Variants in STAG1 observed in about 807,000 individuals in gnomAD.
The protein encoded by STAG1 is cohesin subunit SA-1.
STAG1 carries 26 observed loss-of-function variants against 170.9 expected under a neutral mutation model. That is an observed-to-expected ratio of 0.15 (90% CI 0.11 to 0.21). The LOEUF (loss-of-function observed/expected upper bound fraction) is 0.21, where lower values mean the gene tolerates loss of function less well. Ranked by LOEUF, STAG1 falls within the 10% of genes least tolerant of loss-of-function variation. The pLI is 1.00. For missense variants in STAG1, 964 were observed against 1,509.5 expected (o/e 0.64, Z 5.99); for synonymous variants, 514 against 497.7 (o/e 1.03, Z -0.44).
chr3:136,365,043 T>A (rs1288543383), intron 25 of STAG1, among the ~76,000 whole-genome samples: 1 of 152,208 alleles, frequency 6.6e-6, no homozygotes, highest in African/African-American at 2.4e-5. Flanking sequence ...CATAGCCATA[T>A]ATCAGAAGAG....
At chr3:136,649,975 G>A (rs936130851) in intron 1 of STAG1, among the ~76,000 whole-genome samples, 1 of 152,066 alleles carries the variant, frequency 6.6e-6, no homozygotes, top group African/African-American at 2.4e-5. Context: ...CACCGTGTCA[G>A]CCAAGATGGT....
rs1157491574 is a variant in STAG1, at chr3:136,600,232, C to T, written c.297+4077G>A. On this transcript the variant is annotated intron_variant, in intron 4 of 33. Coordinates refer to ENST00000383202, the MANE Select transcript of STAG1 (RefSeq NM_005862.3). ...CACAAACTGGACATCTCAAGGGTAA[C>T]TTGAGATACACGATTACCCTAAACA... is the stretch of plus-strand genomic sequence containing the variant. 2.0e-5 allele frequency among the ~76,000 whole-genome samples: 3 copies of T among 152,188 alleles called. No homozygotes were observed. The East Asian group carries it at 5.8e-4, about 29-fold the overall frequency.
At chr3:136,411,626 G>A (rs1188046719) in intron 21 of STAG1, among the ~76,000 whole-genome samples, 5 of 152,116 alleles carry the variant, frequency 3.3e-5, no homozygotes, top group Non-Finnish European at 7.4e-5. Context: ...ACATATTCGT[G>A]TGTCAGAAAG....
intron 21 of STAG1, among the ~76,000 whole-genome samples, chr3:136,412,593 G>A (rs958639525): frequency 2.6e-5 from 4 of 152,166 alleles, no homozygotes; most frequent in Non-Finnish European, 5.9e-5. Context: ...CTGATGTGAT[G>A]CATTGAGGAC....
intron 9 of STAG1, among the ~76,000 whole-genome samples, chr3:136,479,323 C>T (rs1203806672): frequency 2.4e-4 from 30 of 127,432 alleles, no homozygotes; most frequent in African/African-American, 3.2e-4. Context: ...TGAGAATATG[C>T]GGTGTTTGGT....
At chr3:136,687,988 C>A (rs1381830496) in intron 1 of STAG1, among the ~76,000 whole-genome samples, 1 of 152,118 alleles carries the variant, frequency 6.6e-6, no homozygotes, top group African/African-American at 2.4e-5. Context: ...CCACCCGCCT[C>A]GACCTCCCAA....
intron 13 of STAG1, among the ~76,000 whole-genome samples, chr3:136,458,244 C>T (rs1332723324): frequency 6.6e-6 from 1 of 152,112 alleles, no homozygotes; most frequent in Non-Finnish European, 1.5e-5. Flanking sequence ...GCAACCTCTG[C>T]TTCCTAGGTT....
intron 20 of STAG1, among the ~76,000 whole-genome samples, chr3:136,419,937 A>G (rs2087902219): frequency 6.6e-6 from 1 of 152,036 alleles, no homozygotes; most frequent in African/African-American, 2.4e-5. Context: ...ACAGTAAATA[A>G]ATTTTATACC....
In STAG1 at chr3:136,741,590, T is replaced by C. The variant is rs138376383; in HGVS notation, c.-84+10605A>G. On this transcript the variant is annotated intron_variant, in intron 1 of 33. Coordinates refer to ENST00000383202, the MANE Select transcript of STAG1 (RefSeq NM_005862.3). ...TTCAAGCGATTCTCCTGCCTCAGCCTTTTAAGTAGCTGGGATTACAGGCGC... is the reference window on the plus strand; with the variant it reads ...TTCAAGCGATTCTCCTGCCTCAGCCCTTTAAGTAGCTGGGATTACAGGCGC... 5.9e-3 allele frequency among the ~76,000 whole-genome samples: 899 copies of C among 152,300 alleles called. 9 individuals carry two copies. Among genetic ancestry groups the C allele is most frequent in the African/African-American group, 0.02 (835 of 41,556 alleles).
intron 16 of STAG1, among the ~76,000 whole-genome samples, chr3:136,429,364 G>A (rs1488022300): frequency 2.6e-5 from 4 of 151,666 alleles, no homozygotes; most frequent in African/African-American, 7.3e-5. Flanking sequence ...CCCAGATCAC[G>A]CCACTGCACT....
chr3:136,357,105 G>A (rs1413236325), intron 28 of STAG1, among the ~76,000 whole-genome samples: 2 of 151,800 alleles, frequency 1.3e-5, no homozygotes, highest in African/African-American at 2.4e-5. Context: ...CCGCCACCAC[G>A]CCCGGCTAAT....
At chr3:136,460,638 G>A (rs1292230517) in intron 13 of STAG1, among the ~76,000 whole-genome samples, 1 of 151,270 alleles carries the variant, frequency 6.6e-6, no homozygotes, top group Non-Finnish European at 1.5e-5. Flanking sequence ...TAATGATATT[G>A]AAGCAGTAAT....
At chr3:136,390,889 C>T (rs1433308467) in intron 22 of STAG1, among the ~76,000 whole-genome samples, 2 of 152,174 alleles carry the variant, frequency 1.3e-5, no homozygotes, top group Non-Finnish European at 2.9e-5. Context: ...ACATCTGAGC[C>T]TATTTCTAAC....
chr3:136,497,636 C>T (rs868075005), intron 9 of STAG1, among the ~76,000 whole-genome samples: 1 of 151,056 alleles, frequency 6.6e-6, no homozygotes, highest in Admixed American at 6.6e-5. Flanking sequence ...GTCAGGAGAT[C>T]GAGACCACCC....
intron 6 of STAG1, among the ~76,000 whole-genome samples, chr3:136,529,844 C>A (rs995778195): frequency 6.6e-6 from 1 of 152,074 alleles, no homozygotes; most frequent in Admixed American, 6.5e-5. Flanking sequence ...TACAAAACAA[C>A]CAGAAAACAA....
Position 136,528,112 on chromosome 3 carries a change from T to A in STAG1, c.472-6695A>T, listed in dbSNP as rs185942476. 2.6e-5 allele frequency among the ~76,000 whole-genome samples: 4 copies of A among 152,276 alleles called. No homozygotes were observed. The East Asian group carries it at 7.7e-4, about 29-fold the overall frequency. On this transcript the variant is annotated intron_variant, in intron 6 of 33. Transcript: ENST00000383202. The stretch of plus-strand genomic sequence containing the variant: ...GGAGAACCACTAATCTCCTCAAAGC[T>A]GTCAGACGGGGACATTTAAGTCCGC...
chr3:136,549,312 C>T (rs911101751), intron 5 of STAG1, among the ~76,000 whole-genome samples: 3 of 148,352 alleles, frequency 2.0e-5, no homozygotes, highest in Admixed American at 1.3e-4. Context: ...ATCAGTTTTC[C>T]TTTTTTTTTT....
intron 7 of STAG1, among the ~76,000 whole-genome samples, chr3:136,511,788 T>C (rs1000310568): frequency 6.6e-6 from 1 of 152,178 alleles, no homozygotes; most frequent in African/African-American, 2.4e-5. Context: ...CATGTACCCC[T>C]GAACGTCAAA....
intron 1 of STAG1, among the ~76,000 whole-genome samples, chr3:136,725,279 G>GATGT (rs149175839): frequency 2.0e-5 from 3 of 150,790 alleles, no homozygotes; most frequent in African/African-American, 7.3e-5. Flanking sequence ...AAATTATACG[G>GATGT]GTGTGTGTGT....
Sources: gnomAD v4.1 joint callset for allele counts (sites outside exome capture counted in the v4.1 genomes callset) on GRCh38, gnomAD v4.1.1 for gene constraint, MANE v1.5 for transcripts, NCBI Gene and HGNC (gene_info 2026-07-23, HGNC 2026-07-21) for gene names.